Variants in YKT6 observed in about 807,000 individuals in gnomAD.
YKT6 encodes YKT6 vesicular SNARE protein, also known as synaptobrevin homolog YKT6.
Under a neutral mutation model 29.3 loss-of-function variants are expected in YKT6, and 12 were observed. The ratio of observed to expected loss-of-function variants is 0.41; its 90% confidence interval spans 0.26 to 0.66. The LOEUF (loss-of-function observed/expected upper bound fraction) is 0.66, where lower values mean the gene tolerates loss of function less well. YKT6 is among the 30% of genes least tolerant of loss of function. The pLI, the probability that YKT6 is intolerant of heterozygous loss-of-function variation, is 0.32. For synonymous variants in YKT6, 86 were observed against 94.3 expected (o/e 0.91, Z 0.51); for missense variants, 188 against 243.8 (o/e 0.77, Z 1.52).
At chr7:44,206,094 G>A (rs1562742405) in intron 2 of YKT6, among the ~76,000 whole-genome samples, 2 of 152,138 alleles carry the variant, frequency 1.3e-5, no homozygotes, top group African/African-American at 4.8e-5. Flanking sequence ...AATGCTCCTG[G>A]GGCCATGTTG....
In YKT6 at chr7:44,206,331, G is replaced by A; in HGVS notation, c.188-54G>A. On this transcript the variant is annotated intron_variant, in intron 2 of 6. Transcript: ENST00000223369. The stretch of plus-strand genomic sequence containing the variant: ...ATGCTTTGATTTGGGGGGATTAAAA[G>A]AAGTCTGAAGCCCTCATGTCAGCAT... The A allele has an allele frequency of 1.3e-6, 2 of 1,562,426 alleles. 1 individual carries two copies. The highest frequency in any genetic ancestry group is 2.2e-5 in the South Asian group (2 of 89,790).
chr7:44,203,475 T>C (rs2096337940), intron 1 of YKT6, among the ~76,000 whole-genome samples: 1 of 152,224 alleles, frequency 6.6e-6, no homozygotes, highest in Admixed American at 6.5e-5. Flanking sequence ...AAAAAGTAGT[T>C]TCCCAGCTTT....
Position 44,213,321 on chromosome 7 carries a change from G to C in YKT6, c.*1039G>C, listed in dbSNP as rs1173668996. The C allele has an allele frequency of 2.6e-5, 4 of 152,354 alleles. No homozygotes were observed. Among genetic ancestry groups the C allele is most frequent in the Non-Finnish European group, 5.9e-5 (4 of 68,138 alleles). 9.4% of individuals were successfully genotyped at this position (152,354 alleles called of 1,614,324 possible). On this transcript the variant is annotated 3_prime_UTR_variant, in exon 7 of 7. Coordinates refer to ENST00000223369, the MANE Select transcript of YKT6 (RefSeq NM_006555.4). ...GAGCACCAGGAGTGGGTGCCAGCCGGCCCCGAGGATTCCCAGCACCCCACC... is the reference window on the plus strand; with the variant it reads ...GAGCACCAGGAGTGGGTGCCAGCCGCCCCCGAGGATTCCCAGCACCCCACC...
intron 3 of YKT6, 111 bp downstream of exon 3, chr7:44,206,596 C>A: frequency 3.1e-6 from 3 of 981,616 alleles, no homozygotes; most frequent in Non-Finnish European, 4.8e-6. Context: ...ATGATGTGTC[C>A]AAAGTCAACA....
chr7:44,207,555 G>A, intron 4 of YKT6, 63 bp downstream of exon 4: 1 of 1,433,996 alleles, frequency 7.0e-7, no homozygotes, highest in Non-Finnish European at 9.8e-7. Context: ...AACTGAAAAA[G>A]CCAACTGCCC....
intron 5 of YKT6, among the ~76,000 whole-genome samples, chr7:44,210,014 A>G (rs1583649644): frequency 6.6e-6 from 1 of 152,260 alleles, no homozygotes; most frequent in Non-Finnish European, 1.5e-5. Flanking sequence ...ATTTAATTAT[A>G]TATTTTACTT....
chr7:44,206,018 G>A (rs2096340441), intron 2 of YKT6, among the ~76,000 whole-genome samples: 1 of 152,204 alleles, frequency 6.6e-6, no homozygotes, highest in Admixed American at 6.5e-5. Context: ...GCAGCACAGA[G>A]CCCCAAGGGC....
chr7:44,208,733 A>C (rs1268392736), intron 5 of YKT6: 1 of 152,238 alleles, frequency 6.6e-6, no homozygotes, highest in South Asian at 2.1e-4. Context: ...CTGTTGCTTC[A>C]ACTCTTTTTT....
At chr7:44,208,314 A>G (rs2096343109) in intron 5 of YKT6, 116 bp downstream of exon 5, 2 of 1,164,466 alleles carry the variant, frequency 1.7e-6, no homozygotes, top group African/African-American at 1.5e-5. Flanking sequence ...GGCACTCTCC[A>G]GCAAGTGGGA....
chr7:44,211,546 T>A, intron 6 of YKT6: 1 of 1,012,736 alleles, frequency 9.9e-7, no homozygotes, highest in Non-Finnish European at 1.2e-6. Flanking sequence ...TTAATTTCCC[T>A]TTGACAGAAA....
intron 5 of YKT6, chr7:44,210,754 G>A (rs750663595): frequency 5.6e-6 from 3 of 537,012 alleles, no homozygotes; most frequent in Non-Finnish European, 1.1e-5. Context: ...CTGGAGTGCT[G>A]GTTATCTAAG....
At chr7:44,209,904 T>A (rs2096344772) in intron 5 of YKT6, among the ~76,000 whole-genome samples, 1 of 152,242 alleles carries the variant, frequency 6.6e-6, no homozygotes, top group Non-Finnish European at 1.5e-5. Flanking sequence ...GGACATGTTC[T>A]GTCATAGTGC....
chr7:44,201,349 A>C (rs2096335371), intron 1 of YKT6, 110 bp downstream of exon 1: 1 of 207,008 alleles, frequency 4.8e-6, no homozygotes, highest in Non-Finnish European at 8.7e-6. Context: ...AGGGTGGAGG[A>C]GGCCAAGGGT....
At chr7:44,207,584 T>C (rs1389125378) in intron 4 of YKT6, 92 bp downstream of exon 4, 5 of 1,061,038 alleles carry the variant, frequency 4.7e-6, no homozygotes, top group Non-Finnish European at 1.4e-6. Flanking sequence ...CTGGTCTAAT[T>C]ACTTCTGACA....
Position 44,204,654 on chromosome 7 carries a change from A to T in YKT6, c.187+4A>T. ...AGAGCTTCTGTCAAAGAACAAGGTA[A>T]GAAGACCCTCCAACTTCTGTGCGTG... On this transcript the variant is annotated splice_donor_region_variant and intron_variant, in intron 2 of 6. Coordinates refer to ENST00000223369, the MANE Select transcript of YKT6 (RefSeq NM_006555.4). The T allele has an allele frequency of 1.9e-6, 3 of 1,614,194 alleles. No homozygotes were observed. Among genetic ancestry groups the T allele is most frequent in the Non-Finnish European group, 2.5e-6 (3 of 1,180,024 alleles).
At chr7:44,209,433 C>T (rs907365411) in intron 5 of YKT6, among the ~76,000 whole-genome samples, 12 of 152,166 alleles carry the variant, frequency 7.9e-5, no homozygotes, top group African/African-American at 2.4e-4. Context: ...GGCATTTCTC[C>T]GTTTTCTCCT....
At chr7:44,204,354 C>T (rs1476892) in intron 1 of YKT6, among the ~76,000 whole-genome samples, 117,834 of 152,080 alleles carry the variant, frequency 0.77, 45,713 homozygotes, top group East Asian at 0.83. Flanking sequence ...TTTGGTGAGC[C>T]AGGTAGCAAA....
chr7:44,206,461 G>A lies in YKT6; in HGVS notation c.264G>A (p.Arg88=), dbSNP rs751004983. 2 of 1,613,924 alleles carry A rather than the reference G, an allele frequency of 1.2e-6. No homozygotes were observed. The highest frequency in any genetic ancestry group is 1.7e-5 in the Admixed American group (1 of 60,004). The change falls in exon 3 of 7, where the codon CGG becomes CGA. Residue 88 remains arginine (R), a synonymous_variant. Transcript: ENST00000223369. The stretch of plus-strand genomic sequence containing the variant: ...TTGCTGACAATGAATACCCATCCCG[G>A]GTGGCCTTTACCTTGCTGGAGAAGG... ...VVIADNEYPS[R]VAFTLLEKVL... is the part of the protein sequence containing the mutation.
chr7:44,201,637 A>G (rs1455794968), intron 1 of YKT6, among the ~76,000 whole-genome samples: 2 of 152,174 alleles, frequency 1.3e-5, no homozygotes, highest in African/African-American at 2.4e-5. Flanking sequence ...CTTCATGCCA[A>G]GATGTTCTGA....
Sources: gnomAD v4.1 joint callset for allele counts (sites outside exome capture counted in the v4.1 genomes callset) on GRCh38, gnomAD v4.1.1 for gene constraint, MANE v1.5 for transcripts, NCBI Gene and HGNC (gene_info 2026-07-23, HGNC 2026-07-21) for gene names.